Variants in ZNF385B observed in about 807,000 individuals in gnomAD.
ZNF385B encodes zinc finger protein 533.
In ZNF385B, 23 loss-of-function variants were observed where a neutral mutation model predicts 39.2. That is an observed-to-expected ratio of 0.59 (90% confidence interval 0.42 to 0.83). ZNF385B has a LOEUF of 0.83. ZNF385B is among the 40% of genes least tolerant of loss of function. ZNF385B has a pLI of 0.00. For synonymous variants in ZNF385B, 205 were observed against 222.6 expected, an observed-to-expected ratio of 0.92 and a Z score of 0.70; for missense variants, 552 against 598.9, an observed-to-expected ratio of 0.92 and a Z score of 0.82.
chr2:179,646,499 G>T (rs569612510), intron 3 of ZNF385B, among the ~76,000 whole-genome samples: 1 of 152,320 alleles, frequency 6.6e-6, no homozygotes, highest in South Asian at 2.1e-4. Context: ...AGTATTTTGA[G>T]CACAGGAGGT....
intron 3 of ZNF385B, among the ~76,000 whole-genome samples, chr2:179,649,084 C>T (rs924288976): frequency 6.6e-6 from 1 of 152,072 alleles, no homozygotes; most frequent in African/African-American, 2.4e-5. Flanking sequence ...AGGAATATAG[C>T]ATCATTTTCA....
intron 3 of ZNF385B, among the ~76,000 whole-genome samples, chr2:179,580,549 C>T (rs923799552): frequency 6.6e-6 from 1 of 152,060 alleles, no homozygotes; most frequent in Non-Finnish European, 1.5e-5. Context: ...CAGGTAAGAA[C>T]GTGATAAAGG....
chr2:179,662,024 A>G lies in ZNF385B; in HGVS notation c.298+107479T>C, dbSNP rs143400957. 2.4e-4 allele frequency among the ~76,000 whole-genome samples: 37 copies of G among 152,324 alleles called. No homozygotes were observed. The East Asian group carries it at 6.5e-3, about 27-fold the overall frequency. ...ACTGTGATTTGGCTTTAATAATAAA[A>G]GTCATTAAATACTAAGCCAGCATAT... On this transcript the variant is annotated intron_variant, in intron 3 of 9. Coordinates refer to ENST00000410066, the MANE Select transcript of ZNF385B (RefSeq NM_152520.6).
chr2:179,689,192 C>T (rs977839662), intron 3 of ZNF385B, among the ~76,000 whole-genome samples: 4 of 152,168 alleles, frequency 2.6e-5, no homozygotes, highest in African/African-American at 9.7e-5. Flanking sequence ...GAGGGAAACA[C>T]CTTTAGGACT....
intron 4 of ZNF385B, among the ~76,000 whole-genome samples, chr2:179,526,919 C>G (rs1220989014): frequency 1.3e-5 from 2 of 152,216 alleles, no homozygotes; most frequent in African/African-American, 4.8e-5. Flanking sequence ...GCAACATTAA[C>G]TGGTCCCCTC....
chr2:179,846,954 T>C (rs756734412), intron 1 of ZNF385B, among the ~76,000 whole-genome samples: 1 of 152,196 alleles, frequency 6.6e-6, no homozygotes, highest in Non-Finnish European at 1.5e-5. Flanking sequence ...ACAATAAAAT[T>C]AGGCAAGAAA....
intron 4 of ZNF385B, among the ~76,000 whole-genome samples, chr2:179,524,168 G>C (rs928070318): frequency 7.9e-5 from 12 of 152,134 alleles, no homozygotes; most frequent in African/African-American, 2.4e-4. Context: ...GTTCTAAAAA[G>C]CATTTGGTAG....
chr2:179,731,540 C>G (rs1298091659), intron 3 of ZNF385B, among the ~76,000 whole-genome samples: 2 of 152,232 alleles, frequency 1.3e-5, no homozygotes, highest in East Asian at 3.9e-4. Flanking sequence ...TCAAAGGTAA[C>G]TTTAGAACAA....
intron 3 of ZNF385B, among the ~76,000 whole-genome samples, chr2:179,622,136 G>GA (rs1173068417): frequency 3.3e-5 from 5 of 152,060 alleles, no homozygotes; most frequent in Admixed American, 6.6e-5. Context: ...CAAATAAAAA[G>GA]AAAAAATTAG....
chr2:179,813,763 C>T (rs998663530), intron 1 of ZNF385B, among the ~76,000 whole-genome samples: 2 of 152,130 alleles, frequency 1.3e-5, no homozygotes, highest in African/African-American at 4.8e-5. Flanking sequence ...TTACACTTCC[C>T]AGCAGGCATA....
chr2:179,687,627 G>A (rs938707610), intron 3 of ZNF385B, among the ~76,000 whole-genome samples: 4 of 152,106 alleles, frequency 2.6e-5, no homozygotes, highest in Non-Finnish European at 5.9e-5. Context: ...ATCATAAAGC[G>A]GGTATCATGG....
intron 3 of ZNF385B, among the ~76,000 whole-genome samples, chr2:179,672,823 T>C (rs11889892): frequency 0.2 from 29,805 of 152,166 alleles, 3,765 homozygotes; most frequent in African/African-American, 0.36. Context: ...CTGTCGTTTA[T>C]AAGCCACCAA....
At chr2:179,848,172 C>T (rs144939828) in intron 1 of ZNF385B, among the ~76,000 whole-genome samples, 2 of 152,262 alleles carry the variant, frequency 1.3e-5, no homozygotes, top group East Asian at 3.9e-4. Flanking sequence ...GGGCTCAGGG[C>T]AAATTTATTA....
At chr2:179,567,553 C>T (rs999371487) in intron 3 of ZNF385B, among the ~76,000 whole-genome samples, 16 of 152,154 alleles carry the variant, frequency 1.1e-4, no homozygotes, top group Admixed American at 6.6e-4. Flanking sequence ...CAGGACAGAT[C>T]ATAACATCCA....
intron 1 of ZNF385B, among the ~76,000 whole-genome samples, chr2:179,860,288 C>T (rs554415241): frequency 1.6e-4 from 25 of 152,292 alleles, no homozygotes; most frequent in African/African-American, 5.8e-4. Flanking sequence ...AGGGGGGATA[C>T]TTCTTGGCAA....
chr2:179,791,975 T>A (rs1176679363), intron 1 of ZNF385B, among the ~76,000 whole-genome samples: 1 of 152,204 alleles, frequency 6.6e-6, no homozygotes, highest in Non-Finnish European at 1.5e-5. Context: ...TTGGCCAGGC[T>A]GGTCTCAAAC....
At chr2:179,475,206 C>A (rs947421543) in intron 6 of ZNF385B, among the ~76,000 whole-genome samples, 6 of 151,886 alleles carry the variant, frequency 4.0e-5, no homozygotes, top group Non-Finnish European at 5.9e-5. Context: ...TTAGTCATAG[C>A]CATGCTGGAC....
At chr2:179,800,621 T>A (rs1705968664) in intron 1 of ZNF385B, among the ~76,000 whole-genome samples, 1 of 152,140 alleles carries the variant, frequency 6.6e-6, no homozygotes. Flanking sequence ...ATGCTGCCAA[T>A]ACTTGTATAT....
intron 3 of ZNF385B, among the ~76,000 whole-genome samples, chr2:179,721,051 G>A (rs1490484484): frequency 2.0e-5 from 3 of 148,280 alleles, no homozygotes; most frequent in African/African-American, 7.5e-5. Context: ...CTACAGAAAT[G>A]AGCCACTATG....
Sources: allele counts gnomAD v4.1 joint callset (sites outside exome capture counted in the v4.1 genomes callset), GRCh38; gene constraint gnomAD v4.1.1; transcripts MANE v1.5; gene names NCBI Gene and HGNC (gene_info 2026-07-23, HGNC 2026-07-21).